Variants in IRF2BPL observed in about 807,000 individuals in gnomAD.
IRF2BPL encodes probable E3 ubiquitin-protein ligase IRF2BPL.
A neutral mutation model predicts 51.2 loss-of-function variants in IRF2BPL; 13 were observed. The ratio of observed to expected loss-of-function variants is 0.25; its 90% CI spans 0.17 to 0.40. The LOEUF (loss-of-function observed/expected upper bound fraction) is 0.40. Among genes scored for constraint, IRF2BPL ranks in the 10% least tolerant of loss-of-function variants. The probability of loss-of-function intolerance (pLI) is 1.00; values close to 1 mark genes in which losing one functional copy is unlikely to be tolerated. For missense variants in IRF2BPL, 1,210 were observed against 1,111.8 expected (o/e 1.09, Z -1.26); for synonymous variants, 768 against 509.2 (o/e 1.51, Z -6.84).
In IRF2BPL at chr14:77,025,546, G is replaced by C. The variant is rs149689849; in HGVS notation, c.2247C>G (p.Ala749=). ...CFPCSRESIK[A]QGATGEVYCP... ...AATACACCTCGCCGGTGGCCCCCTG[G>C]GCCTTGATACTCTCTCTAGAGCAAG... is the stretch of plus-strand genomic sequence containing the variant. The change falls in exon 1 of 1, where the codon GCC becomes GCG. Residue 749 remains alanine (A), a synonymous_variant. Coordinates refer to ENST00000238647, the MANE Select transcript of IRF2BPL (RefSeq NM_024496.4). 1.2e-6 allele frequency: 2 copies of C among 1,613,854 alleles called. No homozygotes were observed. The highest frequency in any genetic ancestry group is 2.2e-5 in the East Asian group (1 of 44,886).
Position 77,024,802 on chromosome 14 carries a change from C to T in IRF2BPL, c.*600G>A, listed in dbSNP as rs1211262559. The T allele has an allele frequency of 6.8e-6, 1 of 147,032 alleles. No homozygotes were observed. The highest frequency in any genetic ancestry group is 2.6e-5 in the African/African-American group (1 of 39,160). The allele number at this position is 147,032 out of a possible 1,614,324, so 9.1% of individuals were successfully genotyped here. A position where few individuals can be genotyped will look rare whatever the true frequency, so the allele number is the denominator to read the frequency against. ...ACAAAATACACCCCATCCCCCCCGA[C>T]ACCCCCTTACCATTTTGCAAACAAA... On this transcript the variant is annotated 3_prime_UTR_variant, in exon 1 of 1. Transcript: ENST00000238647.
In IRF2BPL at chr14:77,027,283, G is replaced by A. The variant is rs376239276; in HGVS notation, c.510C>T (p.Arg170=). The A allele has an allele frequency of 1.1e-4, 173 of 1,573,078 alleles. 5 individuals carry two copies. The highest frequency in any genetic ancestry group is 9.7e-4 in the African/African-American group (70 of 71,824). ...TCACCGGCGGTGGCGGGTACTCGAA[G>A]CGGCTGCGCTGTTCCACCGCAGCGG... is the stretch of plus-strand genomic sequence containing the variant. ...AAAAAVEQRS[R]FEYPPPPVSL... The change falls in exon 1 of 1, where the codon CGC becomes CGT. Residue 170 remains arginine, a synonymous_variant. Transcript: ENST00000238647.
In IRF2BPL at chr14:77,026,079, T is replaced by C; in HGVS notation, c.1714A>G (p.Asn572Asp). 6.4e-7 allele frequency: 1 copy of C among 1,570,054 alleles called. No homozygotes were observed. Among genetic ancestry groups the C allele is most frequent in the Non-Finnish European group, 8.6e-7 (1 of 1,163,066 alleles). ...GTGAGCTTCAGCGCCTCGCTCTGGT[T>C]CGCCATCCACTGCTGCCTCTGCTGT... ...EEQQRQQWMA[N>D]QSEALKLTMS... Residue 572 changes from asparagine (N) to aspartate (D), a missense_variant, in exon 1 of 1, where the codon AAC (asparagine) becomes GAC (aspartate). By Grantham distance (23) the Asn-to-Asp change is conservative. Coordinates refer to ENST00000238647, the MANE Select transcript of IRF2BPL (RefSeq NM_024496.4).
rs1238926422 is a variant in IRF2BPL, at chr14:77,025,909, C to T, written c.1884G>A (p.Met628Ile). Residue 628 changes from methionine to isoleucine, a missense_variant, in exon 1 of 1, where the codon ATG (methionine) becomes ATA (isoleucine). Physicochemically the swap from Met to Ile is conservative, Grantham distance 10. Transcript: ENST00000238647. ...CTGTGCCCAGAGTATCTGCCACCGA[C>T]ATGAGAGCGGCCATAGGGGACGGAC... ...QNGPSPMAALMSVADTLGTAH... is the reference protein window; with the variant it reads ...QNGPSPMAALISVADTLGTAH... 1.9e-6 allele frequency: 3 copies of T among 1,611,704 alleles called. No individual in the cohort carries two copies. Among genetic ancestry groups the T allele is most frequent in the Non-Finnish European group, 1.7e-6 (2 of 1,179,470 alleles).
chr14:77,028,042 T>A lies in IRF2BPL; in HGVS notation c.-250A>T. 2.5e-6 allele frequency: 1 copy of A among 406,734 alleles called. No individual in the cohort carries two copies. The highest frequency in any genetic ancestry group is 4.4e-6 in the Non-Finnish European group (1 of 225,672). The allele number at this position is 406,734 out of a possible 1,614,324, so 25.2% of individuals were successfully genotyped here. A position where few individuals can be genotyped will look rare whatever the true frequency, so the allele number is the denominator to read the frequency against. Reference sequence around the variant, plus strand: ...TCTTCGCCCCCACCTCCTACTGCGGTTGACTCGTCGCGAGGGGAGCTCAGG... The same window carrying A: ...TCTTCGCCCCCACCTCCTACTGCGGATGACTCGTCGCGAGGGGAGCTCAGG... On this transcript the variant is annotated 5_prime_UTR_variant, in exon 1 of 1. Transcript: ENST00000238647.
At position 77,026,369 on chromosome 14, in the gene IRF2BPL, C is replaced by G; in HGVS notation, c.1424G>C (p.Gly475Ala). The change falls in exon 1 of 1, where the codon GGA becomes GCA. Residue 475 changes from glycine to alanine, a missense_variant. Gly to Ala is a moderately conservative substitution (Grantham distance 60). Transcript: ENST00000238647. ...GCGCACGGCTTCGGGGAGCAGGTCT[C>G]CAAGCAGGCGCCAGTCCCCGGAGCC... is the stretch of plus-strand genomic sequence containing the variant. ...KHGSGDWRLL[G>A]DLLPEAVRFF... is the part of the protein sequence containing the mutation. 6.2e-7 allele frequency: 1 copy of G among 1,611,848 alleles called. No homozygotes were observed. Among genetic ancestry groups the G allele is most frequent in the Non-Finnish European group, 8.5e-7 (1 of 1,179,448 alleles).
In IRF2BPL at chr14:77,027,466, C is replaced by CTGT. The variant is rs772313079; in HGVS notation, c.326_327insACA (p.Gln127dup). The CTGT allele has an allele frequency of 2.1e-6, 3 of 1,415,282 alleles. No individual in the cohort carries two copies. Among genetic ancestry groups the CTGT allele is most frequent in the East Asian group, 3.2e-5 (1 of 31,216 alleles). The allele number at this position is 1,415,282 out of a possible 1,614,324, so 87.7% of individuals were successfully genotyped here. A position where few individuals can be genotyped will look rare whatever the true frequency, so the allele number is the denominator to read the frequency against. On this transcript the variant is annotated inframe_insertion, in exon 1 of 1. Transcript: ENST00000238647. Reference sequence around the variant, plus strand: ...GCTGCTGCTGTTGCTGCTGCTGCTGCTGCTGTTGCTGTTGCTGTTGCGCGG... The same window carrying CTGT: ...GCTGCTGCTGTTGCTGCTGCTGCTGCTGTTGCTGTTGCTGTTGCTGTTGCGCGG...
Position 77,027,041 on chromosome 14 carries a change from G to A in IRF2BPL, c.752C>T (p.Thr251Ile), listed in dbSNP as rs1418055384. 7 of 1,549,026 alleles carry A rather than the reference G, an allele frequency of 4.5e-6. No individual in the cohort carries two copies. The highest frequency in any genetic ancestry group is 2.4e-5 in the East Asian group (1 of 41,844). ...NPGGGGGPQLTVPPNLLPQTL... is the reference protein window; with the variant it reads ...NPGGGGGPQLIVPPNLLPQTL... Reference sequence around the variant, plus strand: ...CTGCGGTAGCAGGTTGGGGGGCACGGTGAGCTGGGGGCCTCCGCCACCCCC... The same window carrying A: ...CTGCGGTAGCAGGTTGGGGGGCACGATGAGCTGGGGGCCTCCGCCACCCCC... Residue 251 changes from threonine (T) to isoleucine (I), a missense_variant, in exon 1 of 1, where the codon ACC becomes ATC. Physicochemically the swap from Thr to Ile is moderately conservative, Grantham distance 89. Transcript: ENST00000238647.
rs1294781467 is a variant in IRF2BPL at position 77,027,583 on chromosome 14, G to C, written c.210C>G (p.Pro70=). Residue 70 remains proline (P), a synonymous_variant, in exon 1 of 1, where the codon CCC becomes CCG. Coordinates refer to ENST00000238647, the MANE Select transcript of IRF2BPL (RefSeq NM_024496.4). ...AHGCFQDGRS[P]GPPPPVGVKT... ...TGACCCCGACGGGCGGCGGCGGCCC[G>C]GGGGAGCGGCCGTCCTGGAAGCAGC... 1.9e-6 allele frequency: 3 copies of C among 1,557,090 alleles called. No homozygotes were observed. Among genetic ancestry groups the C allele is most frequent in the African/African-American group, 1.4e-5 (1 of 71,506 alleles).
rs763593371 is a variant in IRF2BPL at position 77,025,606 on chromosome 14, C to T, written c.2187G>A (p.Gln729=). Residue 729 remains glutamine (Q), a synonymous_variant, in exon 1 of 1, where the codon CAG becomes CAA. Transcript: ENST00000238647. ...ATTTGTGGCTGGGGACGGAAGGGCA[C>T]TGAACGAAATGCGTATCCTCCAAAC... ...HERLEDTHFV[Q]CPSVPSHKFC... is the part of the protein sequence containing the mutation. 3.1e-6 allele frequency: 5 copies of T among 1,599,800 alleles called. No homozygotes were observed. The African/African-American group carries it at 6.7e-5, about 21-fold the overall frequency.
In IRF2BPL at chr14:77,025,596, CG is replaced by C. The variant is rs1383547337; in HGVS notation, c.2196del (p.Val733SerfsTer34). ...LEDTHFVQCP[S>X]VPSHKFCFPC... ...GGGAAGCAAAATTTGTGGCTGGGGA[CG>C]GAAGGGCACTGAACGAAATGCGTAT... On this transcript the variant is annotated frameshift_variant, in exon 1 of 1. Coordinates refer to ENST00000238647, the MANE Select transcript of IRF2BPL (RefSeq NM_024496.4). LOFTEE classifies it high-confidence loss of function. 1 of 1,603,774 alleles carries C rather than the reference CG, an allele frequency of 6.2e-7. No homozygotes were observed. The highest frequency in any genetic ancestry group is 8.5e-7 in the Non-Finnish European group (1 of 1,174,742).
chr14:77,026,658 G>A lies in IRF2BPL; in HGVS notation c.1135C>T (p.Leu379=). 6.2e-7 allele frequency: 1 copy of A among 1,613,578 alleles called. No homozygotes were observed. The highest frequency in any genetic ancestry group is 1.1e-5 in the South Asian group (1 of 91,064). The part of the protein sequence containing the change: ...ASKPKMVRDT[L]LTLAGCTPYE... ...GGCGTGCAGCCTGCCAGCGTGAGCA[G>A]CGTGTCGCGGACCATCTTGGGCTTG... Residue 379 remains leucine, a synonymous_variant, in exon 1 of 1, where the codon CTG becomes TTG. Transcript: ENST00000238647.
Position 77,027,885 on chromosome 14 carries a change from A to C in IRF2BPL, c.-93T>G. The C allele has an allele frequency of 1.5e-6, 2 of 1,367,336 alleles. No homozygotes were observed. Among genetic ancestry groups the C allele is most frequent in the Non-Finnish European group, 1.9e-6 (2 of 1,048,458 alleles). The allele number at this position is 1,367,336 out of a possible 1,614,324, so 84.7% of individuals were successfully genotyped here. ...ACTGGCCGGCTGGGGAGGGAGTCCG[A>C]CTGCGGGGGAGGGAGGAGGGGGGGC... On this transcript the variant is annotated 5_prime_UTR_variant, in exon 1 of 1. Transcript: ENST00000238647.
At position 77,026,498 on chromosome 14, in the gene IRF2BPL, G is replaced by C. The variant is rs1885127808; in HGVS notation, c.1295C>G (p.Ser432Cys). The C allele has an allele frequency of 1.2e-6, 2 of 1,613,544 alleles. No homozygotes were observed. Among genetic ancestry groups the C allele is most frequent in the African/African-American group, 1.3e-5 (1 of 74,950 alleles). ...EYPTGSGNVY[S>C]SASGVAKQMY... ...CTGCTTGGCCACACCAGATGCACTG[G>C]AGTACACGTTGCCCGAGCCCGTGGG... The change falls in exon 1 of 1, where the codon TCC becomes TGC. Residue 432 changes from serine to cysteine, a missense_variant. Coordinates refer to ENST00000238647, the MANE Select transcript of IRF2BPL (RefSeq NM_024496.4).
Position 77,025,698 on chromosome 14 carries a change from G to A in IRF2BPL, c.2095C>T (p.Pro699Ser), listed in dbSNP as rs1389636909. The change falls in exon 1 of 1, where the codon CCC (proline) becomes TCC (serine). Residue 699 changes from proline (P) to serine (S), a missense_variant. Pro to Ser is a moderately conservative substitution (Grantham distance 74). Transcript: ENST00000238647. ...ATGGGGGAATCCGGAATGTTTTGGG[G>A]GTGCACTTGGTCCATGCCCGGGTGG... ...SAHPGMDQVHPQNIPDSPMAN... is the reference protein window; with the variant it reads ...SAHPGMDQVHSQNIPDSPMAN... The A allele has an allele frequency of 1.3e-6, 2 of 1,564,358 alleles. No homozygotes were observed. Among genetic ancestry groups the A allele is most frequent in the East Asian group, 2.2e-5 (1 of 44,462 alleles).
In IRF2BPL at chr14:77,026,109, C is replaced by T; in HGVS notation, c.1684G>A (p.Glu562Lys). The T allele has an allele frequency of 6.4e-7, 1 of 1,574,268 alleles. No homozygotes were observed. The highest frequency in any genetic ancestry group is 8.6e-7 in the Non-Finnish European group (1 of 1,165,712). Reference protein sequence around the residue: ...DSAEGALKLGEEQQRQQWMAN... With the variant: ...DSAEGALKLGKEQQRQQWMAN... The stretch of plus-strand genomic sequence containing the variant: ...ATCCACTGCTGCCTCTGCTGTTCCT[C>T]GCCCAGCTTCAGCGCGCCCTCGGCT... The change falls in exon 1 of 1, where the codon GAG (glutamate) becomes AAG (lysine). Residue 562 changes from glutamate (E) to lysine (K), a missense_variant. Coordinates refer to ENST00000238647, the MANE Select transcript of IRF2BPL (RefSeq NM_024496.4).
In IRF2BPL at chr14:77,026,241, G is replaced by T. The variant is rs1434472104; in HGVS notation, c.1552C>A (p.Pro518Thr). 1.4e-6 allele frequency: 2 copies of T among 1,437,454 alleles called. No individual in the cohort carries two copies. The highest frequency in any genetic ancestry group is 1.8e-6 in the Non-Finnish European group (2 of 1,100,372). The allele number at this position is 1,437,454 out of a possible 1,614,324, so 89.0% of individuals were successfully genotyped here. Residue 518 changes from proline to threonine, a missense_variant, in exon 1 of 1, where the codon CCC becomes ACC. Pro to Thr is a conservative substitution (Grantham distance 38, BLOSUM62 -1). Transcript: ENST00000238647. ...GCCCCGGTCCCCGGGGGTGCGCTGGGGGCGCGGCTCAGACTCACCAGAGCA... is the reference window on the plus strand; with the variant it reads ...GCCCCGGTCCCCGGGGGTGCGCTGGTGGCGCGGCTCAGACTCACCAGAGCA... ...PTALVSLSRA[P>T]SAPPGTGALP...
chr14:77,026,678 G>A lies in IRF2BPL; in HGVS notation c.1115C>T (p.Pro372Leu). 1 of 1,613,096 alleles carries A rather than the reference G, an allele frequency of 6.2e-7. No individual in the cohort carries two copies. The highest frequency in any genetic ancestry group is 8.5e-7 in the Non-Finnish European group (1 of 1,179,732). The change falls in exon 1 of 1, where the codon CCC becomes CTC. Residue 372 changes from proline to leucine, a missense_variant. Pro to Leu is a moderately conservative substitution (Grantham distance 98). Coordinates refer to ENST00000238647, the MANE Select transcript of IRF2BPL (RefSeq NM_024496.4). Reference protein sequence around the residue: ...RNRAEEWASKPKMVRDTLLTL... With the variant: ...RNRAEEWASKLKMVRDTLLTL... ...GAGCAGCGTGTCGCGGACCATCTTGGGCTTGCTGGCCCACTCCTCGGCGCG... is the reference window on the plus strand; with the variant it reads ...GAGCAGCGTGTCGCGGACCATCTTGAGCTTGCTGGCCCACTCCTCGGCGCG...
chr14:77,027,626 T>C lies in IRF2BPL; in HGVS notation c.167A>G (p.Gln56Arg). 6.2e-7 allele frequency: 1 copy of C among 1,605,822 alleles called. No homozygotes were observed. Among genetic ancestry groups the C allele is most frequent in the Non-Finnish European group, 8.5e-7 (1 of 1,176,894 alleles). The change falls in exon 1 of 1, where the codon CAG (glutamine) becomes CGG (arginine). Residue 56 changes from glutamine (Q) to arginine (R), a missense_variant. Gln to Arg is a conservative substitution (Grantham distance 43). Transcript: ENST00000238647. ...RIEFVIETAR[Q>R]LKRAHGCFQD... is the part of the protein sequence containing the mutation. The stretch of plus-strand genomic sequence containing the variant: ...GAAGCAGCCGTGCGCCCGCTTCAGC[T>C]GGCGCGCTGTCTCGATCACGAATTC...
Sources: allele counts gnomAD v4.1 joint callset, GRCh38; gene constraint gnomAD v4.1.1; transcripts MANE v1.5; gene names NCBI Gene and HGNC (gene_info 2026-07-23, HGNC 2026-07-21).